The following GTF3C3 variants were observed in gnomAD, a reference collection of about 807,000 sequenced individuals.
The protein encoded by GTF3C3 is general transcription factor IIIC subunit 3, also known as general transcription factor 3C polypeptide 3.
Under a neutral mutation model 105.2 loss-of-function variants are expected in GTF3C3, and 75 were observed. The ratio of observed to expected loss-of-function variants is 0.71; its 90% CI spans 0.59 to 0.86. GTF3C3 has a LOEUF of 0.86. GTF3C3 is among the 40% of genes least tolerant of loss of function. The probability of loss-of-function intolerance (pLI) is 0.00; values close to 1 mark genes in which losing one functional copy is unlikely to be tolerated. For missense variants in GTF3C3, 856 were observed against 1,076.5 expected (o/e 0.80, Z 2.87); for synonymous variants, 335 against 370.4 (o/e 0.90, Z 1.10).
chr2:196,768,953 A>G (rs1160531760), intron 16 of GTF3C3, among the ~76,000 whole-genome samples: 4 of 152,194 alleles, frequency 2.6e-5, no homozygotes, highest in African/African-American at 9.6e-5. Context: ...TTCCTGGCAC[A>G]CAATGAGCAC....
At chr2:196,798,630 G>A (rs1017747371) in intron 1 of GTF3C3, among the ~76,000 whole-genome samples, 8 of 152,066 alleles carry the variant, frequency 5.3e-5, no homozygotes, top group African/African-American at 1.4e-4. Context: ...TTGGGAAGCC[G>A]AGGCAGGCGG....
intron 8 of GTF3C3, among the ~76,000 whole-genome samples, chr2:196,781,690 G>T (rs1445242481): frequency 6.6e-6 from 1 of 151,764 alleles, no homozygotes; most frequent in Non-Finnish European, 1.5e-5. Context: ...AGGAGGATTC[G>T]GACAAGTTTA....
chr2:196,768,708 CTT>C (rs1333865920), intron 16 of GTF3C3, among the ~76,000 whole-genome samples: 4 of 152,106 alleles, frequency 2.6e-5, no homozygotes, highest in Non-Finnish European at 4.4e-5. Context: ...CTCATTACCT[CTT>C]GTTTCATCTC....
chr2:196,779,177 G>A, intron 9 of GTF3C3, 110 bp from the exon 10 acceptor site: 2 of 802,532 alleles, frequency 2.5e-6, no homozygotes, highest in Non-Finnish European at 4.0e-6. Flanking sequence ...ACCCACGCTG[G>A]AGTGCAGTGG....
chr2:196,774,998 G>T, intron 13 of GTF3C3, 118 bp downstream of exon 13: 1 of 683,086 alleles, frequency 1.5e-6, no homozygotes, highest in Non-Finnish European at 2.3e-6. Context: ...ATTTAGATTG[G>T]AAAATTTCAT....
intron 8 of GTF3C3, among the ~76,000 whole-genome samples, chr2:196,784,092 C>T (rs1699414477): frequency 6.6e-6 from 1 of 152,050 alleles, no homozygotes; most frequent in Non-Finnish European, 1.5e-5. Context: ...GATGCCTTAG[C>T]CCAAAGGATT....
Position 196,764,698 on chromosome 2 carries a change from A to AGAT in GTF3C3, c.2539-16_2539-14dup, listed in dbSNP as rs1699030101. On this transcript the variant is annotated splice_polypyrimidine_tract_variant and intron_variant, in intron 17 of 17. Coordinates refer to ENST00000263956, the MANE Select transcript of GTF3C3 (RefSeq NM_012086.5). ...CAAGTTCTATACCCTAGGGAGAAAA[A>AGAT]GATACCTTTATGTTTAATATTTCCA... 1.2e-6 allele frequency: 2 copies of AGAT among 1,602,314 alleles called. No individual in the cohort carries two copies. The highest frequency in any genetic ancestry group is 1.1e-5 in the South Asian group (1 of 89,946).
At position 196,799,531 on chromosome 2, in the gene GTF3C3, C is replaced by T. The variant is rs775068150; in HGVS notation, c.81G>A (p.Glu27=). 1.2e-6 allele frequency: 2 copies of T among 1,613,990 alleles called. No individual in the cohort carries two copies. Among genetic ancestry groups the T allele is most frequent in the Non-Finnish European group, 1.7e-6 (2 of 1,179,960 alleles). Residue 27 remains glutamate, a synonymous_variant, in exon 1 of 18, where the codon GAG becomes GAA. Coordinates refer to ENST00000263956, the MANE Select transcript of GTF3C3 (RefSeq NM_012086.5). The part of the protein sequence containing the change: ...SFEEFERRRE[E]RKTREKKSLQ... ...TCACTTTCTTCTCGCGGGTTTTTCTCTCTTCTCTCCGCCGTTCGAACTCCT... is the reference window on the plus strand; with the variant it reads ...TCACTTTCTTCTCGCGGGTTTTTCTTTCTTCTCTCCGCCGTTCGAACTCCT...
chr2:196,791,716 A>T (rs1017384095), intron 3 of GTF3C3: 2 of 317,228 alleles, frequency 6.3e-6, no homozygotes, highest in Non-Finnish European at 1.2e-5. Context: ...CAGGCGGATC[A>T]CCTGAGGCCA....
chr2:196,795,052 GT>G (rs201002325), intron 2 of GTF3C3, among the ~76,000 whole-genome samples: 3 of 146,266 alleles, frequency 2.1e-5, no homozygotes, highest in African/African-American at 7.6e-5. Context: ...GTTTTGTTTT[GT>G]TTTTTTTAGA....
rs138522932 is a variant in GTF3C3, at chr2:196,772,335, G to C, written c.2070-397C>G. 1.1e-3 allele frequency among the ~76,000 whole-genome samples: 167 copies of C among 152,090 alleles called. No homozygotes were observed. The East Asian group carries it at 0.019, about 17-fold the overall frequency. ...CAATTTGGGAGGCTGAGGCACCTGA[G>C]GTCGGGAGTTGGAGACCAGCCTGAC... On this transcript the variant is annotated intron_variant, in intron 14 of 17. Transcript: ENST00000263956.
intron 10 of GTF3C3, among the ~76,000 whole-genome samples, chr2:196,777,423 GTCAA>G (rs995564290): frequency 6.6e-5 from 10 of 152,088 alleles, no homozygotes; most frequent in African/African-American, 2.2e-4. Flanking sequence ...CACCCAATCA[GTCAA>G]TCAATCAATC....
intron 7 of GTF3C3, 64 bp from the exon 8 acceptor site, chr2:196,784,993 G>A: frequency 5.7e-6 from 6 of 1,055,594 alleles, no homozygotes; most frequent in Non-Finnish European, 7.2e-6. Context: ...ATAATGCAAA[G>A]ATTTGTACAG....
In GTF3C3 at chr2:196,793,037, T is replaced by G. The variant is rs1431679197; in HGVS notation, c.330A>C (p.Glu110Asp). The change falls in exon 3 of 18, where the codon GAA becomes GAC. Residue 110 changes from glutamate (E) to aspartate (D), a missense_variant. Physicochemically the swap from Glu to Asp is conservative, Grantham distance 45. Coordinates refer to ENST00000263956, the MANE Select transcript of GTF3C3 (RefSeq NM_012086.5). ...EEEEEEEEEE[E>D]ETPEQPTAGD... Reference sequence around the variant, plus strand: ...CCGCAGTGGGTTGCTCAGGTGTTTCTTCCTCCTCCTCCTCCTCCTCCTCTT... The same window carrying G: ...CCGCAGTGGGTTGCTCAGGTGTTTCGTCCTCCTCCTCCTCCTCCTCCTCTT... 1.2e-6 allele frequency: 2 copies of G among 1,611,358 alleles called. No homozygotes were observed. Among genetic ancestry groups the G allele is most frequent in the Admixed American group, 3.3e-5 (2 of 59,922 alleles).
intron 1 of GTF3C3, chr2:196,799,175 G>A (rs1699702063): frequency 4.5e-6 from 1 of 219,826 alleles, no homozygotes. Flanking sequence ...CGACTTAGTG[G>A]CAAAGCTAGG....
intron 9 of GTF3C3, 151 bp downstream of exon 9, chr2:196,780,406 GAT>G: frequency 7.8e-7 from 1 of 1,284,966 alleles, no homozygotes. Flanking sequence ...GTTTTTATAA[GAT>G]ATTCATACAA....
intron 2 of GTF3C3, among the ~76,000 whole-genome samples, chr2:196,793,799 T>C (rs1699593784): frequency 6.6e-6 from 1 of 152,180 alleles, no homozygotes. Flanking sequence ...CATGACATAG[T>C]TCATTTGTAT....
At chr2:196,797,767 C>T (rs748116676) in intron 2 of GTF3C3, 30 bp downstream of exon 2, 4 of 1,168,890 alleles carry the variant, frequency 3.4e-6, no homozygotes, top group Non-Finnish European at 5.2e-6. Context: ...TCTAAACATT[C>T]ATTGCAGGAA....
intron 8 of GTF3C3, chr2:196,780,876 C>A: frequency 2.5e-6 from 1 of 400,558 alleles, no homozygotes; most frequent in Non-Finnish European, 4.2e-6. Context: ...TGTACTTATC[C>A]AAAACTTACT....
Sources: gnomAD v4.1 joint callset for allele counts (sites outside exome capture counted in the v4.1 genomes callset) on GRCh38, gnomAD v4.1.1 for gene constraint, MANE v1.5 for transcripts, NCBI Gene and HGNC (gene_info 2026-07-23, HGNC 2026-07-21) for gene names.